EBF1: variants seen among roughly 807,000 people sequenced by gnomAD.
EBF1 encodes the protein transcription factor COE1.
A neutral mutation model predicts 68.4 loss-of-function variants in EBF1; 10 were observed. The observed-to-expected ratio is 0.15, with a 90% CI of 0.09 to 0.25. The LOEUF is 0.25. Ranked by LOEUF, EBF1 falls within the 10% of genes least tolerant of loss-of-function variation. EBF1 has a pLI of 1.00. For synonymous variants in EBF1, 298 were observed against 299.8 expected (o/e 0.99, Z 0.06); for missense variants, 509 against 794.4 (o/e 0.64, Z 4.32).
intron 6 of EBF1, among the ~76,000 whole-genome samples, chr5:158,933,616 C>T (rs1811360583): frequency 6.6e-6 from 1 of 152,168 alleles, no homozygotes; most frequent in South Asian, 2.1e-4. Context: ...AACAGAGAGA[C>T]CAGGACTTGC....
intron 11 of EBF1, among the ~76,000 whole-genome samples, chr5:158,718,629 G>A (rs1469207621): frequency 1.3e-5 from 2 of 152,168 alleles, no homozygotes; most frequent in African/African-American, 4.8e-5. Context: ...CTGACACTCA[G>A]AGAGGTCAGC....
At chr5:158,834,252 G>C (rs984120346) in intron 7 of EBF1, among the ~76,000 whole-genome samples, 2 of 152,140 alleles carry the variant, frequency 1.3e-5, no homozygotes, top group African/African-American at 4.8e-5. Flanking sequence ...TCAGACCGAA[G>C]CATGGTTTTA....
intron 10 of EBF1, among the ~76,000 whole-genome samples, chr5:158,751,038 GA>G (rs983871644): frequency 7.2e-5 from 11 of 151,922 alleles, no homozygotes; most frequent in African/African-American, 2.7e-4. Context: ...TAGGCTATGT[GA>G]AAAAAACAGG....
chr5:158,701,393 G>C (rs920863268), intron 15 of EBF1, among the ~76,000 whole-genome samples: 9 of 151,936 alleles, frequency 5.9e-5, no homozygotes, highest in African/African-American at 2.2e-4. Context: ...GCAGGCTTTT[G>C]GTACCCAAAT....
chr5:158,858,377 C>T (rs959031512), intron 6 of EBF1, among the ~76,000 whole-genome samples: 4 of 152,298 alleles, frequency 2.6e-5, no homozygotes, highest in South Asian at 2.1e-4. Flanking sequence ...ATGGTAAACA[C>T]ACACACACAT....
At chr5:158,779,380 G>GA (rs970561625) in intron 9 of EBF1, among the ~76,000 whole-genome samples, 46 of 152,126 alleles carry the variant, frequency 3.0e-4, no homozygotes, top group Middle Eastern at 6.8e-3. Flanking sequence ...TAATCATAGA[G>GA]AAAAAAATTG....
intron 7 of EBF1, among the ~76,000 whole-genome samples, chr5:158,824,586 T>C (rs1785615281): frequency 6.6e-6 from 1 of 152,260 alleles, no homozygotes; most frequent in Non-Finnish European, 1.5e-5. Flanking sequence ...CATTAGCCTC[T>C]GAAGAGGTGA....
At chr5:158,764,355 G>T (rs886547117) in intron 10 of EBF1, among the ~76,000 whole-genome samples, 1 of 152,122 alleles carries the variant, frequency 6.6e-6, no homozygotes, top group Non-Finnish European at 1.5e-5. Flanking sequence ...AACTCTGTAA[G>T]CCTTGTTTTC....
At chr5:158,890,914 T>C (rs1334918844) in intron 6 of EBF1, among the ~76,000 whole-genome samples, 1 of 152,190 alleles carries the variant, frequency 6.6e-6, no homozygotes, top group Non-Finnish European at 1.5e-5. Flanking sequence ...GTCTACCTTA[T>C]TATGGAAACT....
intron 4 of EBF1, among the ~76,000 whole-genome samples, chr5:159,091,142 G>T (rs930176461): frequency 6.6e-6 from 1 of 152,156 alleles, no homozygotes; most frequent in Admixed American, 6.6e-5. Context: ...TAATATGTTC[G>T]TTTTTAATGC....
intron 6 of EBF1, among the ~76,000 whole-genome samples, chr5:159,018,157 A>C (rs555811015): frequency 1.3e-5 from 2 of 152,106 alleles, no homozygotes; most frequent in Non-Finnish European, 2.9e-5. Flanking sequence ...TCTCCTTATC[A>C]AAATCATCCA....
chr5:158,763,892 C>A (rs1402156516), intron 10 of EBF1, among the ~76,000 whole-genome samples: 1 of 152,158 alleles, frequency 6.6e-6, no homozygotes, highest in African/African-American at 2.4e-5. Context: ...CAGCTGCCTC[C>A]TCTACAAAAT....
chr5:158,963,676 A>G (rs1446011802), intron 6 of EBF1, among the ~76,000 whole-genome samples: 1 of 152,204 alleles, frequency 6.6e-6, no homozygotes, highest in Non-Finnish European at 1.5e-5. Context: ...AAAAACAAAG[A>G]TATTAAATCG....
At chr5:158,973,352 G>A (rs1756038945) in intron 6 of EBF1, among the ~76,000 whole-genome samples, 1 of 151,502 alleles carries the variant, frequency 6.6e-6, no homozygotes, top group Admixed American at 6.6e-5. Flanking sequence ...TCCCTCTCTA[G>A]AACATTCTTC....
At position 158,823,243 on chromosome 5, in the gene EBF1, AT is replaced by A; in HGVS notation, c.710del (p.Asn237IlefsTer44). ...TCCGAGCCCTCCGCCCATGCTTGGA[AT>A]TATTATGGACAAACATGTTATCAGA... ...AVSDNMFVHNNSKHGRRARRL... is the reference protein window; with the variant it reads ...AVSDNMFVHNXSKHGRRARRL... On this transcript the variant is annotated frameshift_variant, in exon 8 of 16. Transcript: ENST00000313708. LOFTEE classifies it high-confidence loss of function. 1 of 1,613,998 alleles carries A rather than the reference AT, an allele frequency of 6.2e-7. No individual in the cohort carries two copies. Among genetic ancestry groups the A allele is most frequent in the Non-Finnish European group, 8.5e-7 (1 of 1,179,916 alleles).
chr5:158,736,383 C>T (rs1375701373), intron 10 of EBF1, among the ~76,000 whole-genome samples: 1 of 152,138 alleles, frequency 6.6e-6, no homozygotes, highest in East Asian at 1.9e-4. Flanking sequence ...TTACAGAATT[C>T]CCTGCTTTTA....
intron 6 of EBF1, among the ~76,000 whole-genome samples, chr5:158,876,023 G>C (rs1390481957): frequency 1.3e-5 from 2 of 152,218 alleles, no homozygotes; most frequent in Non-Finnish European, 2.9e-5. Context: ...TCTTAGCACA[G>C]GAAGGAACCT....
chr5:158,840,194 C>T (rs1789896591), intron 6 of EBF1, 84 bp from the exon 7 acceptor site: 1 of 951,858 alleles, frequency 1.1e-6, no homozygotes, highest in East Asian at 2.4e-5. Context: ...CTGGGTTGTG[C>T]ATTCGATTCT....
At chr5:158,822,082 A>G (rs886997481) in intron 8 of EBF1, among the ~76,000 whole-genome samples, 1 of 152,172 alleles carries the variant, frequency 6.6e-6, no homozygotes, top group Non-Finnish European at 1.5e-5. Context: ...TGGCCCATGG[A>G]AAAAAGCAGG....
Sources: gnomAD v4.1 joint callset for allele counts (sites outside exome capture counted in the v4.1 genomes callset) on GRCh38, gnomAD v4.1.1 for gene constraint, MANE v1.5 for transcripts, NCBI Gene and HGNC (gene_info 2026-07-23, HGNC 2026-07-21) for gene names.